Variants in DDC observed in about 807,000 individuals in gnomAD.
The protein encoded by DDC is aromatic-L-amino-acid decarboxylase.
A neutral mutation model predicts 60.0 loss-of-function variants in DDC; 43 were observed. That is an observed-to-expected ratio of 0.72 (90% CI 0.56 to 0.92). DDC has a LOEUF of 0.92. DDC is among the 40% of genes least tolerant of loss of function. DDC has a pLI of 0.00. For missense variants in DDC, 573 were observed against 620.2 expected (o/e 0.92, Z 0.81); for synonymous variants, 232 against 234.6 (o/e 0.99, Z 0.10).
rs541538969 is a variant in DDC, at chr7:50,476,518, C to A, written c.1041+106G>T. On this transcript the variant is annotated intron_variant, in intron 11 of 14. Coordinates refer to ENST00000444124, the MANE Select transcript of DDC (RefSeq NM_001082971.2). ...TAGGACCCAGTTAGAAGGTGCCCACCAGTGCGTGCTGATCATGAGAGTGGG... is the reference window on the plus strand; with the variant it reads ...TAGGACCCAGTTAGAAGGTGCCCACAAGTGCGTGCTGATCATGAGAGTGGG... 31 of 1,072,746 alleles carry A rather than the reference C, an allele frequency of 2.9e-5. No individual in the cohort carries two copies. In the African/African-American group the frequency reaches 3.9e-4, roughly 13 times the overall value. 66.5% of individuals were successfully genotyped at this position (1,072,746 alleles called of 1,614,324 possible).
chr7:50,508,618 C>A (rs1481201047), intron 6 of DDC, among the ~76,000 whole-genome samples: 1 of 152,220 alleles, frequency 6.6e-6, no homozygotes, highest in Non-Finnish European at 1.5e-5. Context: ...TGGTTCAAAC[C>A]CTGCCAAATG....
rs556757544 is a variant in DDC, at chr7:50,534,986, A to G, written c.435+2874T>C. Among the ~76,000 whole-genome samples the G allele has an allele frequency of 1.3e-4, 20 of 152,320 alleles. No individual in the cohort carries two copies. In the South Asian group the frequency reaches 3.9e-3, roughly 30 times the overall value. On this transcript the variant is annotated intron_variant, in intron 4 of 14. Coordinates refer to ENST00000444124, the MANE Select transcript of DDC (RefSeq NM_001082971.2). ...GCCTATCCTTGCTGTGATCTTGGCC[A>G]AGGAGGCTTCTCCAGCTGCATACTC...
intron 4 of DDC, among the ~76,000 whole-genome samples, chr7:50,534,699 G>A (rs764400268): frequency 6.6e-6 from 1 of 152,112 alleles, no homozygotes; most frequent in South Asian, 2.1e-4. Context: ...AAAGTAAGTC[G>A]GCCACCAACA....
intron 2 of DDC, chr7:50,542,684 T>C (rs73123266): frequency 0.1 from 15,847 of 152,404 alleles, 1,069 homozygotes; most frequent in South Asian, 0.15. Flanking sequence ...CTGCCTGACA[T>C]TTAGCCACAC....
At chr7:50,473,841 G>A (rs2042584282) in intron 11 of DDC, among the ~76,000 whole-genome samples, 1 of 152,260 alleles carries the variant, frequency 6.6e-6, no homozygotes, top group Non-Finnish European at 1.5e-5. Context: ...ACAAAGGGCA[G>A]GCTGGAGGAT....
chr7:50,492,771 T>A, intron 9 of DDC: 1 of 1,457,840 alleles, frequency 6.9e-7, no homozygotes, highest in East Asian at 2.5e-5. Flanking sequence ...TTTGTCAAAT[T>A]TCCCCTCACA....
intron 6 of DDC, among the ~76,000 whole-genome samples, chr7:50,510,264 C>T (rs1013252174): frequency 5.3e-5 from 8 of 151,994 alleles, no homozygotes; most frequent in South Asian, 2.1e-4. Flanking sequence ...TGTGAGCCAC[C>T]GCACCTGGCC....
At chr7:50,485,780 T>G (rs987367513) in intron 9 of DDC, among the ~76,000 whole-genome samples, 2 of 152,186 alleles carry the variant, frequency 1.3e-5, no homozygotes, top group Non-Finnish European at 2.9e-5. Context: ...TGAAAAAGCC[T>G]CTGAGTAGAG....
At chr7:50,472,812 A>G (rs2042563253) in intron 11 of DDC, among the ~76,000 whole-genome samples, 1 of 152,052 alleles carries the variant, frequency 6.6e-6, no homozygotes, top group Non-Finnish European at 1.5e-5. Context: ...CTGACGGGGG[A>G]TAGAACTACC....
At chr7:50,489,441 A>G (rs182633710) in intron 9 of DDC, among the ~76,000 whole-genome samples, 17 of 152,376 alleles carry the variant, frequency 1.1e-4, no homozygotes, top group Non-Finnish European at 2.2e-4. Flanking sequence ...AATTAAGGTT[A>G]TTATATCCAT....
rs1226941318 is a variant in DDC, at chr7:50,537,783, C to T, written c.435+77G>A. 3 of 1,574,086 alleles carry T rather than the reference C, an allele frequency of 1.9e-6. No homozygotes were observed. In the Admixed American group the frequency reaches 5.0e-5, roughly 26 times the overall value. ...AGGAACTAACAAGAAGCATGAGTGCCTCTTTCCCCACCTGCGGCTACAGTC... is the reference window on the plus strand; with the variant it reads ...AGGAACTAACAAGAAGCATGAGTGCTTCTTTCCCCACCTGCGGCTACAGTC... On this transcript the variant is annotated intron_variant, in intron 4 of 14. Coordinates refer to ENST00000444124, the MANE Select transcript of DDC (RefSeq NM_001082971.2).
chr7:50,529,395 T>C, intron 4 of DDC, 53 bp from the exon 5 acceptor site: 2 of 1,596,814 alleles, frequency 1.3e-6, no homozygotes, highest in Non-Finnish European at 8.6e-7. Flanking sequence ...AAGGCATTGG[T>C]ACCTACACTA....
chr7:50,557,190 GC>G (rs1332530043), intron 1 of DDC, among the ~76,000 whole-genome samples: 19 of 152,210 alleles, frequency 1.2e-4, no homozygotes, highest in African/African-American at 4.3e-4. Flanking sequence ...GGAGGAAGGA[GC>G]TTTGTGCAGC....
Position 50,470,146 on chromosome 7 carries a change from C to A in DDC, c.1067G>T (p.Arg356Ile). ...AAACCACATTTTCAAAGAGCGAAAT[C>A]TTCTGCCCAGTGGTATCTGCCAATG... Reference protein sequence around the residue: ...YRHWQIPLGRRFRSLKMWFVF... With the variant: ...YRHWQIPLGRIFRSLKMWFVF... The change falls in exon 12 of 15, where the codon AGA becomes ATA. Residue 356 changes from arginine to isoleucine, a missense_variant. By Grantham distance (97) the Arg-to-Ile change is moderately conservative (BLOSUM62 -3). Transcript: ENST00000444124. 6.2e-7 allele frequency: 1 copy of A among 1,613,236 alleles called. No individual in the cohort carries two copies. The highest frequency in any genetic ancestry group is 8.5e-7 in the Non-Finnish European group (1 of 1,179,200).
At chr7:50,476,529 G>T in intron 11 of DDC, 95 bp downstream of exon 11, 1 of 1,182,312 alleles carries the variant, frequency 8.5e-7, no homozygotes. Context: ...AGTGCGTGCT[G>T]ATCATGAGAG....
chr7:50,515,163 C>T (rs574620879), intron 6 of DDC, among the ~76,000 whole-genome samples: 43 of 152,268 alleles, frequency 2.8e-4, no homozygotes, highest in Middle Eastern at 3.4e-3. Flanking sequence ...GAGACAGAAG[C>T]ACCAGGTTAC....
In DDC at chr7:50,477,780, G is replaced by A. The variant is rs551596791; in HGVS notation, c.1022-1137C>T. ...ACAGTACTCTCCTTTACGACACATG[G>A]CCTCTCATTAGTAAGGGAGCTTGTT... On this transcript the variant is annotated intron_variant, in intron 10 of 14. Coordinates refer to ENST00000444124, the MANE Select transcript of DDC (RefSeq NM_001082971.2). 2.0e-5 allele frequency among the ~76,000 whole-genome samples: 3 copies of A among 152,196 alleles called. No individual in the cohort carries two copies. In the East Asian group the frequency reaches 5.8e-4, roughly 29 times the overall value.
chr7:50,463,278 G>C lies in DDC; in HGVS notation c.1396C>G (p.His466Asp). Reference protein sequence around the residue: ...ESAHVQRAWEHIKELAADVLR... With the variant: ...ESAHVQRAWEDIKELAADVLR... ...ACGTCGGCCGCCAGCTCTTTGATGTGTTCCCAGGCCCGCTGCACATGGGCA... is the reference window on the plus strand; with the variant it reads ...ACGTCGGCCGCCAGCTCTTTGATGTCTTCCCAGGCCCGCTGCACATGGGCA... Residue 466 changes from histidine (H) to aspartate (D), a missense_variant, in exon 14 of 15, where the codon CAC (histidine) becomes GAC (aspartate). Physicochemically the swap from His to Asp is moderately conservative, Grantham distance 81. Transcript: ENST00000444124. 1 of 1,614,202 alleles carries C rather than the reference G, an allele frequency of 6.2e-7. No individual in the cohort carries two copies. Among genetic ancestry groups the C allele is most frequent in the Non-Finnish European group, 8.5e-7 (1 of 1,180,032 alleles).
chr7:50,511,216 G>A (rs2043569015), intron 6 of DDC, among the ~76,000 whole-genome samples: 1 of 151,162 alleles, frequency 6.6e-6, no homozygotes, highest in Non-Finnish European at 1.5e-5. Context: ...ATTTATTTAT[G>A]TTATATGTAT....
Sources: allele counts gnomAD v4.1 joint callset (sites outside exome capture counted in the v4.1 genomes callset), GRCh38; gene constraint gnomAD v4.1.1; transcripts MANE v1.5; gene names NCBI Gene and HGNC (gene_info 2026-07-23, HGNC 2026-07-21).